The following SH3RF2 variants were observed in gnomAD, a reference collection of about 807,000 sequenced individuals.
The protein encoded by SH3RF2 is E3 ubiquitin-protein ligase SH3RF2.
Under a neutral mutation model 59.0 loss-of-function variants are expected in SH3RF2, and 43 were observed. The observed-to-expected ratio is 0.73, with a 90% CI of 0.57 to 0.94. The LOEUF is 0.94. SH3RF2 is among the 40% of genes least tolerant of loss of function. The pLI, the probability that SH3RF2 is intolerant of heterozygous loss-of-function variation, is 0.00. For missense variants in SH3RF2, 930 were observed against 940.1 expected (o/e 0.99, Z 0.14); for synonymous variants, 391 against 391.5 (o/e 1.00, Z 0.01).
rs114234705 is a variant in SH3RF2, at chr5:146,061,155, C to T, written c.1914+931C>T. 1.5e-3 allele frequency among the ~76,000 whole-genome samples: 235 copies of T among 152,274 alleles called. 1 individual carries two copies. Among genetic ancestry groups the T allele is most frequent in the African/African-American group, 5.5e-3 (229 of 41,558 alleles). ...CACTGTGCTGAGTACTTCATGTGTC[C>T]CATATATTTAATCCTGACAACAACC... On this transcript the variant is annotated intron_variant, in intron 9 of 9. Transcript: ENST00000359120.
chr5:146,005,084 T>G (rs957976888), intron 4 of SH3RF2, among the ~76,000 whole-genome samples: 3 of 152,204 alleles, frequency 2.0e-5, no homozygotes, highest in Non-Finnish European at 4.4e-5. Context: ...GCTTTTCATT[T>G]TCTTCTGCCA....
At chr5:146,041,893 G>A (rs1021977000) in intron 5 of SH3RF2, among the ~76,000 whole-genome samples, 6 of 152,016 alleles carry the variant, frequency 3.9e-5, no homozygotes, top group Non-Finnish European at 8.8e-5. Flanking sequence ...ATTGCACCAT[G>A]GCACTCTAGC....
chr5:146,025,127 C>T (rs540109818), intron 5 of SH3RF2, among the ~76,000 whole-genome samples: 7 of 152,352 alleles, frequency 4.6e-5, no homozygotes, highest in Middle Eastern at 3.4e-3. Context: ...CTATTGATCT[C>T]CACACCTACA....
chr5:146,042,902 C>T (rs189506554), intron 5 of SH3RF2: 2 of 152,420 alleles, frequency 1.3e-5, no homozygotes, highest in East Asian at 3.9e-4. Flanking sequence ...TGGCTCAGGA[C>T]TCGGAACCCT....
intron 5 of SH3RF2, among the ~76,000 whole-genome samples, chr5:146,015,291 C>T (rs1761059607): frequency 6.6e-6 from 1 of 152,112 alleles, no homozygotes; most frequent in African/African-American, 2.4e-5. Flanking sequence ...TAATTCTGCC[C>T]ACCAACTGCA....
intron 2 of SH3RF2, among the ~76,000 whole-genome samples, chr5:145,961,529 C>T (rs893704838): frequency 7.9e-5 from 12 of 152,122 alleles, no homozygotes; most frequent in Non-Finnish European, 1.2e-4. Flanking sequence ...GCCTAAAATA[C>T]AGGACATAAT....
chr5:145,952,541 T>G (rs4143868), intron 2 of SH3RF2, among the ~76,000 whole-genome samples: 14,845 of 152,258 alleles, frequency 0.097, 1,059 homozygotes, highest in East Asian at 0.27. Flanking sequence ...ACCACTAATA[T>G]TCACTGACTA....
In SH3RF2 at chr5:146,062,528, G is replaced by C. The variant is rs755228314; in HGVS notation, c.2017G>C (p.Ala673Pro). The C allele has an allele frequency of 7.2e-5, 116 of 1,613,950 alleles. No individual in the cohort carries two copies. Among genetic ancestry groups the C allele is most frequent in the Non-Finnish European group, 9.1e-5 (107 of 1,180,040 alleles). ...GCCTGAACAGCCAGCCACCCTCAAG[G>C]CGTCCCAGCCTGAAGCAGCGTCCTT... ...GKPEQPATLKASQPEAASLGP... is the reference protein window; with the variant it reads ...GKPEQPATLKPSQPEAASLGP... Residue 673 changes from alanine to proline, a missense_variant, in exon 10 of 10, where the codon GCG becomes CCG. Physicochemically the swap from Ala to Pro is conservative, Grantham distance 27 (BLOSUM62 -1). Transcript: ENST00000359120.
chr5:146,074,201 G>C (rs372100505), intron 9 of SH3RF2, among the ~76,000 whole-genome samples: 3 of 151,818 alleles, frequency 2.0e-5, no homozygotes, highest in African/African-American at 4.8e-5. Flanking sequence ...CACCACGCCC[G>C]GCTAATTTTT....
At chr5:146,048,603 A>C (rs1391900009) in intron 6 of SH3RF2, among the ~76,000 whole-genome samples, 1 of 152,180 alleles carries the variant, frequency 6.6e-6, no homozygotes, top group Non-Finnish European at 1.5e-5. Context: ...AATGTCTCAC[A>C]GTCCTTGGAG....
At chr5:146,038,280 A>G (rs777207827) in intron 5 of SH3RF2, among the ~76,000 whole-genome samples, 2 of 152,206 alleles carry the variant, frequency 1.3e-5, no homozygotes, top group African/African-American at 4.8e-5. Flanking sequence ...AAAGAACAAA[A>G]TGCCCATTTT....
At chr5:146,013,249 C>G (rs1760976697) in intron 4 of SH3RF2, among the ~76,000 whole-genome samples, 1 of 152,118 alleles carries the variant, frequency 6.6e-6, no homozygotes, top group Admixed American at 6.5e-5. Flanking sequence ...ACCCAGATAG[C>G]TAACGGACTA....
At chr5:145,959,240 T>A (rs1758531350) in intron 2 of SH3RF2, among the ~76,000 whole-genome samples, 1 of 152,214 alleles carries the variant, frequency 6.6e-6, no homozygotes, top group African/African-American at 2.4e-5. Context: ...TTAACATTTT[T>A]AATTATTTCC....
intron 2 of SH3RF2, among the ~76,000 whole-genome samples, chr5:145,990,804 C>T (rs1295746400): frequency 6.7e-6 from 1 of 149,218 alleles, no homozygotes; most frequent in African/African-American, 2.5e-5. Flanking sequence ...TGTGAGATCT[C>T]CACACAAACT....
At chr5:145,979,930 G>A (rs553955530) in intron 2 of SH3RF2, among the ~76,000 whole-genome samples, 1 of 152,328 alleles carries the variant, frequency 6.6e-6, no homozygotes, top group East Asian at 1.9e-4. Context: ...CTAGTCCAAA[G>A]TGATACAGTA....
At chr5:145,960,279 T>C (rs1758582918) in intron 2 of SH3RF2, among the ~76,000 whole-genome samples, 1 of 152,150 alleles carries the variant, frequency 6.6e-6, no homozygotes, top group Non-Finnish European at 1.5e-5. Context: ...GCTGGATGAA[T>C]TCCCAAACAT....
intron 5 of SH3RF2, among the ~76,000 whole-genome samples, chr5:146,040,992 A>G (rs750133779): frequency 6.6e-5 from 10 of 152,174 alleles, no homozygotes; most frequent in East Asian, 1.9e-4. Flanking sequence ...GTCCACGAGC[A>G]TAAACACACA....
At chr5:146,026,655 G>A (rs1176809719) in intron 5 of SH3RF2, among the ~76,000 whole-genome samples, 2 of 152,156 alleles carry the variant, frequency 1.3e-5, no homozygotes, top group African/African-American at 4.8e-5. Context: ...CAGGTATTGG[G>A]TAGAGCTATT....
intron 9 of SH3RF2, 55 bp downstream of exon 9, chr5:146,060,279 G>T: frequency 6.9e-7 from 1 of 1,452,950 alleles, no homozygotes; most frequent in South Asian, 1.4e-5. Context: ...ACTATGCATA[G>T]TGTCTCAGCT....
Sources: gnomAD v4.1 joint callset for allele counts (sites outside exome capture counted in the v4.1 genomes callset) on GRCh38, gnomAD v4.1.1 for gene constraint, MANE v1.5 for transcripts, NCBI Gene and HGNC (gene_info 2026-07-23, HGNC 2026-07-21) for gene names.